CCBE1: variants seen among roughly 807,000 people sequenced by gnomAD.
CCBE1 encodes the protein collagen and calcium binding EGF domains 1, also known as collagen and calcium-binding EGF domain-containing protein 1.
Under a neutral mutation model 50.0 loss-of-function variants are expected in CCBE1, and 37 were observed. The observed-to-expected ratio is 0.74, with a 90% CI of 0.57 to 0.97. The LOEUF is 0.97. Ranked by LOEUF, CCBE1 falls within the 50% of genes least tolerant of loss-of-function variation. CCBE1 has a pLI of 0.00. For missense variants in CCBE1, 538 were observed against 523.8 expected, an observed-to-expected ratio of 1.03 and a Z score of -0.26; for synonymous variants, 234 against 203.7, an observed-to-expected ratio of 1.15 and a Z score of -1.27.
chr18:59,639,776 T>A (rs2053961100), intron 2 of CCBE1, among the ~76,000 whole-genome samples: 1 of 152,226 alleles, frequency 6.6e-6, no homozygotes, highest in African/African-American at 2.4e-5. Flanking sequence ...TTTGATCTGA[T>A]AAATTCAGCA....
chr18:59,654,205 C>A (rs571902254), intron 2 of CCBE1, among the ~76,000 whole-genome samples: 1 of 152,146 alleles, frequency 6.6e-6, no homozygotes, highest in East Asian at 1.9e-4. Flanking sequence ...TTCTCTCTGG[C>A]CAGCCTGGTA....
rs141813272 is a variant in CCBE1, at chr18:59,563,165, G to A, written c.213-82927C>T. Among the ~76,000 whole-genome samples, 30 of 152,304 alleles carry A rather than the reference G, an allele frequency of 2.0e-4. No individual in the cohort carries two copies. In the East Asian group the frequency reaches 5.8e-3, roughly 29 times the overall value. On this transcript the variant is annotated intron_variant, in intron 2 of 10. Coordinates refer to ENST00000439986, the MANE Select transcript of CCBE1 (RefSeq NM_133459.4). ...GGCAACTGCAGAGGTAAAGGTACAG[G>A]TCCAGGCATGGACTGAGCGAGAGAC...
At chr18:59,637,209 C>G (rs1216296383) in intron 2 of CCBE1, among the ~76,000 whole-genome samples, 4 of 152,126 alleles carry the variant, frequency 2.6e-5, no homozygotes, top group African/African-American at 9.7e-5. Context: ...TTATGACAAA[C>G]AACATGATCT....
chr18:59,628,019 C>G (rs1485808886), intron 2 of CCBE1, among the ~76,000 whole-genome samples: 2 of 152,122 alleles, frequency 1.3e-5, no homozygotes, highest in East Asian at 3.9e-4. Context: ...TCAAGACCAG[C>G]CTGGGCAACA....
At position 59,433,342 on chromosome 18, in the gene CCBE1, C is replaced by T. The variant is rs1910008939; in HGVS notation, c.*2566G>A. ...CTTGAACTCCTGGGCTCAAGGGATC[C>T]TCTCGCTCACTTTTTTTAAAGTGAA... On this transcript the variant is annotated 3_prime_UTR_variant, in exon 11 of 11. Transcript: ENST00000439986. The T allele has an allele frequency of 6.6e-6, 1 of 151,686 alleles. No homozygotes were observed. Among genetic ancestry groups the T allele is most frequent in the Admixed American group, 6.6e-5 (1 of 15,214 alleles). 9.4% of individuals were successfully genotyped at this position (151,686 alleles called of 1,614,324 possible).
intron 2 of CCBE1, chr18:59,563,928 G>T (rs966113203): frequency 6.6e-6 from 1 of 152,250 alleles, no homozygotes; most frequent in Non-Finnish European, 1.5e-5. Flanking sequence ...GGCGTCTCAG[G>T]AAGGGAGAAT....
chr18:59,679,474 G>A (rs1298395277), intron 2 of CCBE1, among the ~76,000 whole-genome samples: 1 of 152,160 alleles, frequency 6.6e-6, no homozygotes, highest in Admixed American at 6.5e-5. Context: ...TCTGGAATTT[G>A]CTTTATAATA....
At chr18:59,644,308 T>C (rs527362239) in intron 2 of CCBE1, among the ~76,000 whole-genome samples, 1 of 152,148 alleles carries the variant, frequency 6.6e-6, no homozygotes, top group Non-Finnish European at 1.5e-5. Flanking sequence ...CCAGTACCAG[T>C]CTGCAGCCCA....
At chr18:59,601,674 A>T in intron 2 of CCBE1, among the ~76,000 whole-genome samples, 1 of 152,208 alleles carries the variant, frequency 6.6e-6, no homozygotes, top group South Asian at 2.1e-4. Flanking sequence ...CTGAGATTAG[A>T]CATGAGCCAC....
rs533949429 is a variant in CCBE1, at chr18:59,494,098, G to T, written c.213-13860C>A. On this transcript the variant is annotated intron_variant, in intron 2 of 10. Coordinates refer to ENST00000439986, the MANE Select transcript of CCBE1 (RefSeq NM_133459.4). ...GCATGAAAATGGACTAACACACCTG[G>T]CTAGGGACACACAAGACAGAGCAAT... Among the ~76,000 whole-genome samples, 257 of 152,252 alleles carry T rather than the reference G, an allele frequency of 1.7e-3. 3 individuals carry two copies. The highest frequency in any genetic ancestry group is 0.014 in the Middle Eastern group (4 of 294).
At chr18:59,471,699 G>T (rs1912043390) in intron 3 of CCBE1, among the ~76,000 whole-genome samples, 2 of 152,182 alleles carry the variant, frequency 1.3e-5, no homozygotes, top group Admixed American at 6.5e-5. Flanking sequence ...CATTATTCCT[G>T]TGTCAGTTGC....
At chr18:59,544,401 CTG>C (rs1915603850) in intron 2 of CCBE1, among the ~76,000 whole-genome samples, 5 of 152,194 alleles carry the variant, frequency 3.3e-5, no homozygotes, top group Admixed American at 1.3e-4. Context: ...AATAAAAACT[CTG>C]TATTTCTGAA....
intron 2 of CCBE1, among the ~76,000 whole-genome samples, chr18:59,540,564 A>T (rs986080399): frequency 6.6e-6 from 1 of 152,066 alleles, no homozygotes; most frequent in Admixed American, 6.6e-5. Context: ...TACAGTTTCA[A>T]ACTGCAGTGG....
At chr18:59,564,206 T>C (rs959385961) in intron 2 of CCBE1, 1 of 152,204 alleles carries the variant, frequency 6.6e-6, no homozygotes, top group African/African-American at 2.4e-5. Context: ...ACAAGTTTAA[T>C]ACAAAGTTAC....
intron 3 of CCBE1, 102 bp downstream of exon 3, chr18:59,480,084 C>G: frequency 1.2e-6 from 1 of 824,958 alleles, no homozygotes. Flanking sequence ...CACAGATAAT[C>G]AGACACAGAT....
At chr18:59,564,118 T>G (rs1168863212) in intron 2 of CCBE1, 1 of 152,208 alleles carries the variant, frequency 6.6e-6, no homozygotes, top group Non-Finnish European at 1.5e-5. Context: ...AAGACAATCT[T>G]TATAACTATC....
intron 2 of CCBE1, among the ~76,000 whole-genome samples, chr18:59,506,384 G>A (rs1283827607): frequency 1.3e-5 from 2 of 152,138 alleles, no homozygotes. Flanking sequence ...GAGAGAGCAG[G>A]CTTTTGTTAT....
In CCBE1 at chr18:59,436,093, G is replaced by C; in HGVS notation, c.1036C>G (p.Arg346Gly). ...DFLLLMLADI[R>G]NDITELQEKV... is the part of the protein sequence containing the mutation. ...TCCTGCAGCTCAGTGATGTCATTGCGGATGTCAGCCAGCATAAGTAGCAGG... is the reference window on the plus strand; with the variant it reads ...TCCTGCAGCTCAGTGATGTCATTGCCGATGTCAGCCAGCATAAGTAGCAGG... The change falls in exon 11 of 11, where the codon CGC becomes GGC. Residue 346 changes from arginine to glycine, a missense_variant. Coordinates refer to ENST00000439986, the MANE Select transcript of CCBE1 (RefSeq NM_133459.4). 6.2e-7 allele frequency: 1 copy of C among 1,614,200 alleles called. No individual in the cohort carries two copies.
rs150674789 is a variant in CCBE1, at chr18:59,645,083, G to A, written c.212+51546C>T. Among the ~76,000 whole-genome samples, 534 of 152,106 alleles carry A rather than the reference G, an allele frequency of 3.5e-3. 4 individuals are homozygous for A. Among genetic ancestry groups the A allele is most frequent in the South Asian group, 0.028 (134 of 4,812 alleles). ...ATCCTGACCAATATGGTGAAACCCC[G>A]TCTCTACTAAAAATACAAAAATTAG... is the stretch of plus-strand genomic sequence containing the variant. On this transcript the variant is annotated intron_variant, in intron 2 of 10. Coordinates refer to ENST00000439986, the MANE Select transcript of CCBE1 (RefSeq NM_133459.4).
Sources: gnomAD v4.1 joint callset for allele counts (sites outside exome capture counted in the v4.1 genomes callset) on GRCh38, gnomAD v4.1.1 for gene constraint, MANE v1.5 for transcripts, NCBI Gene and HGNC (gene_info 2026-07-23, HGNC 2026-07-21) for gene names.